Variants in TCF4 observed in about 807,000 individuals in gnomAD.
TCF4 encodes the protein transcription factor 4.
A neutral mutation model predicts 82.1 loss-of-function variants in TCF4; 3 were observed. That is an observed-to-expected ratio of 0.04 (90% confidence interval 0.02 to 0.09). The LOEUF (loss-of-function observed/expected upper bound fraction) is 0.09. TCF4 is among the 10% of genes least tolerant of loss of function. The pLI is 1.00. For synonymous variants in TCF4, 276 were observed against 309.6 expected (o/e 0.89, Z 1.14); for missense variants, 518 against 852.7 (o/e 0.61, Z 4.89).
chr18:55,259,460 T>G (rs1447864133), intron 13 of TCF4, among the ~76,000 whole-genome samples: 1 of 152,228 alleles, frequency 6.6e-6, no homozygotes, highest in Non-Finnish European at 1.5e-5. Context: ...TATTTCACAA[T>G]TTATTTACAA....
chr18:55,630,524 G>C (rs2097730536), intron 2 of TCF4, among the ~76,000 whole-genome samples: 1 of 152,162 alleles, frequency 6.6e-6, no homozygotes, highest in East Asian at 1.9e-4. Context: ...TCCACTGAAA[G>C]GGATAATCAT....
At chr18:55,322,814 T>C (rs1398475604) in intron 8 of TCF4, among the ~76,000 whole-genome samples, 1 of 152,264 alleles carries the variant, frequency 6.6e-6, no homozygotes, top group Non-Finnish European at 1.5e-5. Context: ...AGCAAGTTTA[T>C]TGGTACCTTC....
At chr18:55,514,405 GCACACACACACACACA>G (rs74182104) in intron 3 of TCF4, among the ~76,000 whole-genome samples, 2 of 130,166 alleles carry the variant, frequency 1.5e-5, no homozygotes, top group African/African-American at 2.7e-5. Flanking sequence ...ATCTATCCAT[GCACACACACACACACA>G]CACACACACA....
intron 5 of TCF4, among the ~76,000 whole-genome samples, chr18:55,433,704 T>C (rs1441864765): frequency 6.6e-6 from 1 of 152,250 alleles, no homozygotes; most frequent in Non-Finnish European, 1.5e-5. Context: ...CGGCACACGT[T>C]TTCAACTTTA....
At chr18:55,469,703 C>G (rs1362589485) in intron 3 of TCF4, 3 of 152,200 alleles carry the variant, frequency 2.0e-5, no homozygotes, top group Non-Finnish European at 4.4e-5. Flanking sequence ...AAACACAGCA[C>G]TGGGAGTTGG....
intron 6 of TCF4, among the ~76,000 whole-genome samples, chr18:55,366,036 C>CAT (rs2087022689): frequency 6.7e-6 from 1 of 149,374 alleles, no homozygotes; most frequent in African/African-American, 2.4e-5. Flanking sequence ...ATATATAAGA[C>CAT]ATATATAGAC....
At chr18:55,390,286 T>TAAAAAAAAAAAAAAAAAAAA (rs56965997) in intron 6 of TCF4, among the ~76,000 whole-genome samples, 6 of 82,220 alleles carry the variant, frequency 7.3e-5, no homozygotes, top group Admixed American at 1.4e-4. Flanking sequence ...CCCTGACTCT[T>TAAAAAAAAAAAAAAAAAAAA]AAAAAAAAAA....
Position 55,254,446 on chromosome 18 carries a change from A to T in TCF4, c.1350+51T>A, listed in dbSNP as rs754772357. The T allele has an allele frequency of 1.5e-4, 241 of 1,570,158 alleles. 2 individuals carry two copies. The South Asian group carries it at 2.2e-3, about 14-fold the overall frequency. On this transcript the variant is annotated intron_variant, in intron 15 of 19. Coordinates refer to ENST00000354452, the MANE Select transcript of TCF4 (RefSeq NM_001083962.2). ...ACAGCAACAATAGTATCTATATCTG[A>T]AATTCTAACTCTATATGATAACTAT... is the stretch of plus-strand genomic sequence containing the variant.
At chr18:55,404,989 A>G (rs750767848) in intron 5 of TCF4, among the ~76,000 whole-genome samples, 12 of 152,268 alleles carry the variant, frequency 7.9e-5, no homozygotes, top group Admixed American at 3.3e-4. Flanking sequence ...ATCAGTTTCA[A>G]TTTCAGTGAA....
rs28370888 is a variant in TCF4, at chr18:55,410,284, T to C, written c.305-6766A>G. On this transcript the variant is annotated intron_variant, in intron 5 of 19. Coordinates refer to ENST00000354452, the MANE Select transcript of TCF4 (RefSeq NM_001083962.2). ...GATCCCACTGGAAATTGGGGAGTTT[T>C]GGCTGCATTTCATCACTGATTCCCC... Among the ~76,000 whole-genome samples, 1,338 of 152,284 alleles carry C rather than the reference T, an allele frequency of 8.8e-3. 18 individuals carry two copies. The highest frequency in any genetic ancestry group is 0.037 in the Middle Eastern group (11 of 294).
chr18:55,295,171 C>T (rs1016691913), intron 8 of TCF4, among the ~76,000 whole-genome samples: 3 of 152,172 alleles, frequency 2.0e-5, no homozygotes, highest in Admixed American at 2.0e-4. Flanking sequence ...TCCCGTTGGC[C>T]TACACTGCTC....
In TCF4 at chr18:55,410,849, A is replaced by G. The variant is rs2146677233; in HGVS notation, c.305-7331T>C. On this transcript the variant is annotated intron_variant, in intron 5 of 19. Transcript: ENST00000354452. ...GATGAAAATGTCCGAATCGATAAGCATTTTGAGTGAACATCCTACAGTCCA... is the reference window on the plus strand; with the variant it reads ...GATGAAAATGTCCGAATCGATAAGCGTTTTGAGTGAACATCCTACAGTCCA... Among the ~76,000 whole-genome samples, 3 of 152,288 alleles carry G rather than the reference A, an allele frequency of 2.0e-5. 1 individual carries two copies. In the Middle Eastern group the frequency reaches 0.01, roughly 518 times the overall value.
chr18:55,259,818 G>C (rs2057654365), intron 13 of TCF4, 131 bp downstream of exon 13: 1 of 771,050 alleles, frequency 1.3e-6, no homozygotes. Context: ...CTTTGTATTT[G>C]TCTGTTATAG....
intron 3 of TCF4, among the ~76,000 whole-genome samples, chr18:55,480,632 A>T (rs1020423044): frequency 6.6e-5 from 10 of 152,112 alleles, no homozygotes; most frequent in African/African-American, 2.4e-4. Context: ...ACACCTCAAC[A>T]TTTTTCATGT....
intron 3 of TCF4, among the ~76,000 whole-genome samples, chr18:55,562,115 G>A (rs2097360334): frequency 6.6e-6 from 1 of 152,088 alleles, no homozygotes; most frequent in Non-Finnish European, 1.5e-5. Context: ...TGGTTTCTTT[G>A]CTGTCTATAA....
At position 55,394,989 on chromosome 18, in the gene TCF4, A is replaced by C. The variant is rs531147065; in HGVS notation, c.369+8465T>G. Among the ~76,000 whole-genome samples the C allele has an allele frequency of 2.2e-3, 336 of 152,354 alleles. 1 individual carries two copies. The highest frequency in any genetic ancestry group is 3.0e-3 in the Non-Finnish European group (206 of 68,040). On this transcript the variant is annotated intron_variant, in intron 6 of 19. Coordinates refer to ENST00000354452, the MANE Select transcript of TCF4 (RefSeq NM_001083962.2). ...AAGTCCTTAATAAGTCCATTACTTCAGATTACAGGCTTCTGTTGCTATCTT... is the reference window on the plus strand; with the variant it reads ...AAGTCCTTAATAAGTCCATTACTTCCGATTACAGGCTTCTGTTGCTATCTT...
intron 1 of TCF4, among the ~76,000 whole-genome samples, chr18:55,634,144 C>G (rs1568512436): frequency 6.6e-6 from 1 of 152,098 alleles, no homozygotes; most frequent in Non-Finnish European, 1.5e-5. Context: ...TGGCAGGGGC[C>G]TGTAATCCCA....
At chr18:55,577,068 A>AAT (rs971996245) in intron 3 of TCF4, among the ~76,000 whole-genome samples, 33 of 146,092 alleles carry the variant, frequency 2.3e-4, no homozygotes, top group South Asian at 1.3e-3. Context: ...GCAGGTACTA[A>AAT]ATATATATAT....
intron 6 of TCF4, among the ~76,000 whole-genome samples, chr18:55,356,760 T>TA (rs35499309): frequency 2.6e-5 from 4 of 152,112 alleles, no homozygotes; most frequent in African/African-American, 4.8e-5. Flanking sequence ...AGCGTTGTTT[T>TA]AAAAAAAATC....
Sources: allele counts gnomAD v4.1 joint callset (sites outside exome capture counted in the v4.1 genomes callset), GRCh38; gene constraint gnomAD v4.1.1; transcripts MANE v1.5; gene names NCBI Gene and HGNC (gene_info 2026-07-23, HGNC 2026-07-21).